The following CNTNAP2 variants were observed in gnomAD, a reference collection of about 807,000 sequenced individuals.
The protein encoded by CNTNAP2 is contactin-associated protein-like 2.
Under a neutral mutation model 155.2 loss-of-function variants are expected in CNTNAP2, and 98 were observed. That is an observed-to-expected ratio of 0.63 (90% confidence interval 0.54 to 0.75). CNTNAP2 has a LOEUF of 0.75. Ranked by LOEUF, CNTNAP2 falls within the 30% of genes least tolerant of loss-of-function variation. CNTNAP2 has a pLI of 0.00. For missense variants in CNTNAP2, 1,727 were observed against 1,688.1 expected, an observed-to-expected ratio of 1.02 and a Z score of -0.40; for synonymous variants, 651 against 631.2, an observed-to-expected ratio of 1.03 and a Z score of -0.47.
At chr7:146,264,919 G>T (rs546391839) in intron 1 of CNTNAP2, among the ~76,000 whole-genome samples, 26 of 152,210 alleles carry the variant, frequency 1.7e-4, no homozygotes, top group Admixed American at 3.9e-4. Context: ...TTAAAGGTTT[G>T]CCATTCATTA....
intron 15 of CNTNAP2, among the ~76,000 whole-genome samples, chr7:147,988,545 G>A (rs1585064588): frequency 6.6e-6 from 1 of 151,966 alleles, no homozygotes; most frequent in South Asian, 2.1e-4. Flanking sequence ...TTTATTATTT[G>A]TAGGGCATGA....
At chr7:146,929,234 G>T (rs555848394) in intron 3 of CNTNAP2, among the ~76,000 whole-genome samples, 4 of 152,286 alleles carry the variant, frequency 2.6e-5, no homozygotes, top group Admixed American at 2.6e-4. Context: ...ACTCCTCTGA[G>T]ACAAAACTTC....
intron 1 of CNTNAP2, among the ~76,000 whole-genome samples, chr7:146,638,124 T>G (rs1185586596): frequency 6.6e-6 from 1 of 152,208 alleles, no homozygotes; most frequent in Non-Finnish European, 1.5e-5. Context: ...TGTTGTTCTA[T>G]TTCTGTCTGT....
At chr7:147,986,451 C>T (rs944952423) in intron 15 of CNTNAP2, among the ~76,000 whole-genome samples, 7 of 152,240 alleles carry the variant, frequency 4.6e-5, no homozygotes, top group Admixed American at 2.6e-4. Flanking sequence ...TTTTGCCTCA[C>T]GTATAGCTCA....
intron 13 of CNTNAP2, among the ~76,000 whole-genome samples, chr7:147,859,597 A>G (rs538784159): frequency 1.4e-4 from 21 of 152,294 alleles, no homozygotes; most frequent in African/African-American, 4.8e-4. Flanking sequence ...AAATATTACT[A>G]GAGTTCAGAT....
intron 1 of CNTNAP2, among the ~76,000 whole-genome samples, chr7:146,679,152 C>A (rs1176846427): frequency 6.6e-6 from 1 of 152,066 alleles, no homozygotes; most frequent in Admixed American, 6.6e-5. Flanking sequence ...TGATCCTCTT[C>A]CTCCTCCCAC....
chr7:148,135,491 C>T (rs1056156014), intron 16 of CNTNAP2, among the ~76,000 whole-genome samples: 4 of 152,042 alleles, frequency 2.6e-5, no homozygotes, highest in Admixed American at 6.6e-5. Flanking sequence ...ATGTGATATG[C>T]GATTGCTTTT....
chr7:148,400,274 G>A (rs1184701090), intron 22 of CNTNAP2, among the ~76,000 whole-genome samples: 1 of 152,194 alleles, frequency 6.6e-6, no homozygotes, highest in Admixed American at 6.5e-5. Context: ...CCCTGCTGCC[G>A]CCACGCGCAT....
At position 147,789,219 on chromosome 7, in the gene CNTNAP2, C is replaced by A. The variant is rs1243637010; in HGVS notation, c.2099-114346C>A. Among the ~76,000 whole-genome samples the A allele has an allele frequency of 5.3e-5, 8 of 152,142 alleles. No homozygotes were observed. In the East Asian group the frequency reaches 1.6e-3, roughly 30 times the overall value. Reference sequence around the variant, plus strand: ...ACCACGCCCGGCCCAATAGAGTACACTTTAACATTAGAAACGAAGTCCTAT... The same window carrying A: ...ACCACGCCCGGCCCAATAGAGTACAATTTAACATTAGAAACGAAGTCCTAT... On this transcript the variant is annotated intron_variant, in intron 13 of 23. Coordinates refer to ENST00000361727, the MANE Select transcript of CNTNAP2 (RefSeq NM_014141.6).
chr7:147,113,300 A>G (rs1800920449), intron 5 of CNTNAP2, among the ~76,000 whole-genome samples: 1 of 151,892 alleles, frequency 6.6e-6, no homozygotes, highest in South Asian at 2.1e-4. Context: ...CCCCCTTACG[A>G]TTTCTGGTTG....
chr7:146,208,911 A>G (rs901221188), intron 1 of CNTNAP2: 4 of 152,130 alleles, frequency 2.6e-5, no homozygotes, highest in African/African-American at 7.2e-5. Flanking sequence ...ATAACTGCTA[A>G]GATTTTTGGT....
chr7:147,989,880 C>A (rs1319556448), intron 15 of CNTNAP2, among the ~76,000 whole-genome samples: 1 of 152,140 alleles, frequency 6.6e-6, no homozygotes, highest in Non-Finnish European at 1.5e-5. Flanking sequence ...TAGAATGTGC[C>A]ACTCCCTGGA....
At chr7:148,096,181 A>T (rs1275978734) in intron 15 of CNTNAP2, among the ~76,000 whole-genome samples, 4 of 152,140 alleles carry the variant, frequency 2.6e-5, no homozygotes, top group Non-Finnish European at 5.9e-5. Flanking sequence ...CTGTTAGTGG[A>T]GGAATTAGAA....
At chr7:147,188,027 C>T (rs1243876238) in intron 8 of CNTNAP2, among the ~76,000 whole-genome samples, 8 of 152,124 alleles carry the variant, frequency 5.3e-5, no homozygotes, top group Non-Finnish European at 5.9e-5. Flanking sequence ...TGCCACTGCA[C>T]TCCAGCCAGG....
At chr7:146,668,805 T>C (rs1800245367) in intron 1 of CNTNAP2, among the ~76,000 whole-genome samples, 1 of 152,138 alleles carries the variant, frequency 6.6e-6, no homozygotes, top group Non-Finnish European at 1.5e-5. Flanking sequence ...TTGTTCATAG[T>C]AGTCTCTAGT....
chr7:147,294,027 C>G (rs540575772), intron 8 of CNTNAP2, among the ~76,000 whole-genome samples: 1 of 152,056 alleles, frequency 6.6e-6, no homozygotes, highest in Non-Finnish European at 1.5e-5. Context: ...TTTATCATTA[C>G]GAATTATAAC....
At chr7:146,877,641 A>G (rs1372121528) in intron 3 of CNTNAP2, among the ~76,000 whole-genome samples, 1 of 151,738 alleles carries the variant, frequency 6.6e-6, no homozygotes, top group Non-Finnish European at 1.5e-5. Context: ...GTATGTGTGT[A>G]TATATGTGTA....
intron 3 of CNTNAP2, among the ~76,000 whole-genome samples, chr7:146,998,140 A>G (rs1279027150): frequency 6.6e-6 from 1 of 150,394 alleles, no homozygotes; most frequent in Non-Finnish European, 1.5e-5. Context: ...GTTGTTGGAG[A>G]TTTTTCATAT....
intron 3 of CNTNAP2, among the ~76,000 whole-genome samples, chr7:146,930,473 A>G (rs1042314757): frequency 1.3e-5 from 2 of 152,218 alleles, no homozygotes; most frequent in Admixed American, 6.5e-5. Flanking sequence ...GGTACCAGCC[A>G]CTGCAAAATC....
Sources: gnomAD v4.1 joint callset for allele counts (sites outside exome capture counted in the v4.1 genomes callset) on GRCh38, gnomAD v4.1.1 for gene constraint, MANE v1.5 for transcripts, NCBI Gene and HGNC (gene_info 2026-07-23, HGNC 2026-07-21) for gene names.